LARGE1: variants seen among roughly 807,000 people sequenced by gnomAD.
LARGE1 encodes the protein xylosyl- and glucuronyltransferase LARGE1.
A neutral mutation model predicts 87.6 loss-of-function variants in LARGE1; 43 were observed. That is an observed-to-expected ratio of 0.49 (90% CI 0.38 to 0.63). The LOEUF (loss-of-function observed/expected upper bound fraction) is 0.63. Ranked by LOEUF, LARGE1 falls within the 30% of genes least tolerant of loss-of-function variation. The pLI is 0.00. For missense variants in LARGE1, 802 were observed against 1,000.2 expected, an observed-to-expected ratio of 0.80 and a Z score of 2.67; for synonymous variants, 434 against 394.6, an observed-to-expected ratio of 1.10 and a Z score of -1.18.
chr22:33,794,097 C>T (rs554604626), intron 1 of LARGE1, among the ~76,000 whole-genome samples: 1 of 152,102 alleles, frequency 6.6e-6, no homozygotes, highest in African/African-American at 2.4e-5. Context: ...AGATGGGATG[C>T]CCAACCCCCA....
intron 5 of LARGE1, among the ~76,000 whole-genome samples, chr22:33,584,636 C>T (rs2078616877): frequency 6.6e-6 from 1 of 151,634 alleles, no homozygotes; most frequent in Admixed American, 6.6e-5. Context: ...ATAGAGTTAA[C>T]ATCAGGTTTT....
At chr22:33,101,467 G>A in the LARGE1 span, among the ~76,000 whole-genome samples, 1 of 152,154 alleles carries the variant, frequency 6.6e-6, no homozygotes, top group Non-Finnish European at 1.5e-5. Context: ...AGGTTCGATT[G>A]CAAGCCTCCT....
At chr22:33,452,911 A>G (rs2067994088) in intron 6 of LARGE1, among the ~76,000 whole-genome samples, 1 of 152,204 alleles carries the variant, frequency 6.6e-6, no homozygotes, top group African/African-American at 2.4e-5. Context: ...ACAATCTACT[A>G]TCTATGGCTT....
intron 11 of LARGE1, among the ~76,000 whole-genome samples, chr22:33,265,290 AC>A (rs1411570674): frequency 6.6e-6 from 1 of 151,948 alleles, no homozygotes; most frequent in Non-Finnish European, 1.5e-5. Context: ...TTTAGCAAGA[AC>A]CAAGCAACCC....
intron 6 of LARGE1, among the ~76,000 whole-genome samples, chr22:33,561,909 T>C (rs1208436438): frequency 2.6e-5 from 4 of 152,136 alleles, no homozygotes; most frequent in African/African-American, 9.7e-5. Context: ...CGGTAATGAA[T>C]TTAGGAACAA....
intron 10 of LARGE1, among the ~76,000 whole-genome samples, chr22:33,316,813 T>C (rs1310478105): frequency 6.6e-6 from 1 of 152,134 alleles, no homozygotes; most frequent in African/African-American, 2.4e-5. Flanking sequence ...CCCTCTTAGC[T>C]AAGAACAAAG....
chr22:33,381,524 C>T (rs1360728416), intron 9 of LARGE1, among the ~76,000 whole-genome samples: 1 of 152,182 alleles, frequency 6.6e-6, no homozygotes, highest in Non-Finnish European at 1.5e-5. Flanking sequence ...TTTCTCTCCT[C>T]CTCCAAGTCA....
chr22:33,751,531 A>G (rs1662599990), intron 2 of LARGE1, among the ~76,000 whole-genome samples: 1 of 151,880 alleles, frequency 6.6e-6, no homozygotes, highest in Non-Finnish European at 1.5e-5. Flanking sequence ...AAATTAAATT[A>G]TTAGCAGCAT....
At chr22:33,660,186 TC>T (rs1419118730) in intron 2 of LARGE1, among the ~76,000 whole-genome samples, 2 of 151,664 alleles carry the variant, frequency 1.3e-5, no homozygotes, top group African/African-American at 4.8e-5. Flanking sequence ...AACCATGTCT[TC>T]CTGCTTCTAT....
At chr22:33,734,330 T>C (rs1485114952) in intron 2 of LARGE1, among the ~76,000 whole-genome samples, 7 of 152,184 alleles carry the variant, frequency 4.6e-5, no homozygotes, top group Admixed American at 6.5e-5. Flanking sequence ...GTGTTGGATC[T>C]TGAAAGACGA....
At chr22:33,893,071 A>G (rs992392902) in intron 1 of LARGE1, among the ~76,000 whole-genome samples, 2 of 152,272 alleles carry the variant, frequency 1.3e-5, no homozygotes, top group African/African-American at 4.8e-5. Context: ...AGCACATTAA[A>G]TTCTGTGAAC....
At chr22:33,310,395 G>C (rs779562102) in intron 11 of LARGE1, among the ~76,000 whole-genome samples, 1 of 152,114 alleles carries the variant, frequency 6.6e-6, no homozygotes, top group Non-Finnish European at 1.5e-5. Context: ...AACCCCTCGT[G>C]ATCAGCTCCC....
intron 2 of LARGE1, among the ~76,000 whole-genome samples, chr22:33,651,811 GAAAAACAGTTAACC>G (rs1377654823): frequency 6.6e-6 from 1 of 152,188 alleles, no homozygotes; most frequent in African/African-American, 2.4e-5. Flanking sequence ...GGTTTTCCCA[GAAAAACAGTTAACC>G]ATTAAAGTGA....
At chr22:33,261,362 G>A (rs1448362517) in intron 11 of LARGE1, among the ~76,000 whole-genome samples, 1 of 152,128 alleles carries the variant, frequency 6.6e-6, no homozygotes, top group Admixed American at 6.6e-5. Flanking sequence ...GAGGCTTCTG[G>A]AAGTGCTCTG....
chr22:33,588,510 C>CGTGT (rs10528247), intron 5 of LARGE1, among the ~76,000 whole-genome samples: 173 of 150,672 alleles, frequency 1.1e-3, no homozygotes, highest in Middle Eastern at 0.01. Context: ...TATATGTGTG[C>CGTGT]GTGTGTGTGT....
At chr22:33,608,157 C>T (rs373241263) in intron 4 of LARGE1, among the ~76,000 whole-genome samples, 37 of 152,232 alleles carry the variant, frequency 2.4e-4, no homozygotes, top group African/African-American at 6.3e-4. Context: ...TTCTTATTAA[C>T]GGAGAATGGA....
intron 11 of LARGE1, among the ~76,000 whole-genome samples, chr22:33,211,688 G>T (rs1000072269): frequency 6.6e-6 from 1 of 152,142 alleles, no homozygotes; most frequent in African/African-American, 2.4e-5. Flanking sequence ...CACGAGAATT[G>T]CTTGAACCCC....
chr22:33,355,982 C>A (rs1940853914), intron 9 of LARGE1, among the ~76,000 whole-genome samples: 1 of 152,148 alleles, frequency 6.6e-6, no homozygotes, highest in African/African-American at 2.4e-5. Context: ...GGCTGCAGGA[C>A]TTCCTAATAC....
intron 1 of LARGE1, among the ~76,000 whole-genome samples, chr22:33,890,062 G>A (rs1243975295): frequency 6.6e-6 from 1 of 152,242 alleles, no homozygotes; most frequent in African/African-American, 2.4e-5. Context: ...CTGGCCCACT[G>A]GCTCCTCAGG....
Sources: gnomAD v4.1 joint callset for allele counts (sites outside exome capture counted in the v4.1 genomes callset) on GRCh38, gnomAD v4.1.1 for gene constraint, MANE v1.5 for transcripts, NCBI Gene and HGNC (gene_info 2026-07-23, HGNC 2026-07-21) for gene names.